Variants in ZSWIM6 observed in about 807,000 individuals in gnomAD.
ZSWIM6 encodes zinc finger SWIM domain-containing protein 6.
ZSWIM6 carries 9 observed loss-of-function variants against 113.2 expected under a neutral mutation model. That is an observed-to-expected ratio of 0.08 (90% CI 0.05 to 0.14). The LOEUF is 0.14. Among genes scored for constraint, ZSWIM6 ranks in the 10% least tolerant of loss-of-function variants. ZSWIM6 has a pLI of 1.00. For synonymous variants in ZSWIM6, 611 were observed against 606.5 expected (o/e 1.01, Z -0.11); for missense variants, 1,162 against 1,552.2 (o/e 0.75, Z 4.22).
At chr5:61,496,620 A>G (rs1205773069) in intron 4 of ZSWIM6, among the ~76,000 whole-genome samples, 1 of 152,148 alleles carries the variant, frequency 6.6e-6, no homozygotes, top group Non-Finnish European at 1.5e-5. Context: ...TGTTTTCTGC[A>G]GGCTTCTGGC....
chr5:61,370,708 A>G (rs548726463), intron 1 of ZSWIM6, among the ~76,000 whole-genome samples: 2 of 152,342 alleles, frequency 1.3e-5, no homozygotes, highest in African/African-American at 4.8e-5. Flanking sequence ...GGTGGGCCAA[A>G]GGGCATGTTG....
At chr5:61,366,468 T>G (rs1180290390) in intron 1 of ZSWIM6, among the ~76,000 whole-genome samples, 1 of 152,214 alleles carries the variant, frequency 6.6e-6, no homozygotes, top group East Asian at 1.9e-4. Context: ...AAGACAAAAC[T>G]AGATGTTACA....
At chr5:61,435,216 A>G (rs1160542696) in intron 1 of ZSWIM6, among the ~76,000 whole-genome samples, 2 of 152,212 alleles carry the variant, frequency 1.3e-5, no homozygotes, top group Non-Finnish European at 2.9e-5. Context: ...AAAGGCAGTA[A>G]TGGAATTTAT....
At chr5:61,513,543 C>A (rs558773133) in intron 4 of ZSWIM6, among the ~76,000 whole-genome samples, 2 of 152,004 alleles carry the variant, frequency 1.3e-5, no homozygotes, top group African/African-American at 2.4e-5. Context: ...GTAACATTAT[C>A]TTTGCCTAAA....
intron 1 of ZSWIM6, among the ~76,000 whole-genome samples, chr5:61,447,526 G>C (rs1455606658): frequency 6.6e-6 from 1 of 152,136 alleles, no homozygotes; most frequent in Non-Finnish European, 1.5e-5. Flanking sequence ...TCTGAACATA[G>C]ATGTCAGATT....
chr5:61,478,048 T>G (rs762789968), intron 2 of ZSWIM6, among the ~76,000 whole-genome samples: 2 of 152,236 alleles, frequency 1.3e-5, no homozygotes, highest in Non-Finnish European at 2.9e-5. Flanking sequence ...TGGGCTTGCC[T>G]TAGCAACCAG....
chr5:61,436,158 G>A (rs945493869), intron 1 of ZSWIM6, among the ~76,000 whole-genome samples: 11 of 149,736 alleles, frequency 7.3e-5, no homozygotes, highest in African/African-American at 1.5e-4. Flanking sequence ...CCGAGATTGC[G>A]CCATTGCACT....
At chr5:61,533,053 T>C (rs1749482773) in intron 9 of ZSWIM6, among the ~76,000 whole-genome samples, 1 of 152,236 alleles carries the variant, frequency 6.6e-6, no homozygotes, top group Non-Finnish European at 1.5e-5. Context: ...TGTCTCCATG[T>C]CCATTTTTCA....
chr5:61,445,290 A>G (rs1253201129), intron 1 of ZSWIM6, among the ~76,000 whole-genome samples: 2 of 152,238 alleles, frequency 1.3e-5, no homozygotes, highest in African/African-American at 4.8e-5. Context: ...TAAGTGAACC[A>G]TACAACAAAA....
chr5:61,474,381 T>C (rs1172186173), intron 2 of ZSWIM6, among the ~76,000 whole-genome samples: 1 of 152,172 alleles, frequency 6.6e-6, no homozygotes, highest in Non-Finnish European at 1.5e-5. Context: ...CCCATAGAAA[T>C]AGAATATTAA....
chr5:61,435,940 G>A (rs748575259), intron 1 of ZSWIM6, among the ~76,000 whole-genome samples: 2 of 152,094 alleles, frequency 1.3e-5, no homozygotes, highest in Non-Finnish European at 2.9e-5. Flanking sequence ...AGTGGCTCAC[G>A]CCTATAATCC....
intron 1 of ZSWIM6, among the ~76,000 whole-genome samples, chr5:61,384,797 C>T (rs1370031801): frequency 6.6e-6 from 1 of 152,118 alleles, no homozygotes; most frequent in Non-Finnish European, 1.5e-5. Context: ...GTGGGTCACA[C>T]CTGTAATCCC....
Position 61,539,643 on chromosome 5 carries a change from A to T in ZSWIM6, c.2587A>T (p.Ile863Phe). ...ETVLESIQKNIHSSSHIFKLA... is the reference protein window; with the variant it reads ...ETVLESIQKNFHSSSHIFKLA... ...AGTATTAGAATCCATCCAGAAAAACATTCACTCCTCATCACACATCTTCAA... is the reference window on the plus strand; with the variant it reads ...AGTATTAGAATCCATCCAGAAAAACTTTCACTCCTCATCACACATCTTCAA... The change falls in exon 12 of 14, where the codon ATT becomes TTT. Residue 863 changes from isoleucine (I) to phenylalanine (F), a missense_variant. Ile to Phe is a conservative substitution (Grantham distance 21, BLOSUM62 0). Coordinates refer to ENST00000252744, the MANE Select transcript of ZSWIM6 (RefSeq NM_020928.2). The T allele has an allele frequency of 6.4e-7, 1 of 1,552,086 alleles. No individual in the cohort carries two copies. The highest frequency in any genetic ancestry group is 8.7e-7 in the Non-Finnish European group (1 of 1,147,066).
At chr5:61,497,477 C>T (rs1748354539) in intron 4 of ZSWIM6, among the ~76,000 whole-genome samples, 2 of 152,104 alleles carry the variant, frequency 1.3e-5, no homozygotes, top group South Asian at 4.1e-4. Context: ...TTCTGTTTTT[C>T]TTTTCTAATA....
At chr5:61,390,763 TGGA>T in intron 1 of ZSWIM6, 1 of 787,600 alleles carries the variant, frequency 1.3e-6, no homozygotes, top group Non-Finnish European at 2.3e-6. Flanking sequence ...TGGCCAAACT[TGGA>T]GGTGGTGTCA....
chr5:61,536,302 A>G (rs1330053092), intron 10 of ZSWIM6, among the ~76,000 whole-genome samples: 1 of 152,226 alleles, frequency 6.6e-6, no homozygotes, highest in Non-Finnish European at 1.5e-5. Flanking sequence ...AATTATTTTT[A>G]TCACAGATTT....
intron 1 of ZSWIM6, among the ~76,000 whole-genome samples, chr5:61,338,428 A>G (rs1744452278): frequency 6.6e-6 from 1 of 152,204 alleles, no homozygotes; most frequent in African/African-American, 2.4e-5. Context: ...CTTTTGATTA[A>G]TGAAATACAC....
Position 61,455,019 on chromosome 5 carries a change from T to G in ZSWIM6, c.677-17662T>G, listed in dbSNP as rs1295366666. 2.6e-5 allele frequency among the ~76,000 whole-genome samples: 4 copies of G among 152,178 alleles called. No individual in the cohort carries two copies. In the South Asian group the frequency reaches 8.3e-4, roughly 32 times the overall value. On this transcript the variant is annotated intron_variant, in intron 1 of 13. Transcript: ENST00000252744. The stretch of plus-strand genomic sequence containing the variant: ...TGGTTCCCTTTCTTGGGGAGTAGTA[T>G]TGAGAAACCAAGATCTGGGTGTGTC...
intron 1 of ZSWIM6, among the ~76,000 whole-genome samples, chr5:61,381,947 C>G (rs12332549): frequency 0.16 from 24,250 of 152,156 alleles, 2,172 homozygotes; most frequent in African/African-American, 0.22. Context: ...TTGGTTGTAG[C>G]TAACGTGTTG....
Sources: gnomAD v4.1 joint callset for allele counts (sites outside exome capture counted in the v4.1 genomes callset) on GRCh38, gnomAD v4.1.1 for gene constraint, MANE v1.5 for transcripts, NCBI Gene and HGNC (gene_info 2026-07-23, HGNC 2026-07-21) for gene names.